The following ZNRF2 variants were observed in gnomAD, a reference collection of about 807,000 sequenced individuals.
ZNRF2 encodes the protein zinc and ring finger 2.
ZNRF2 carries 16 observed loss-of-function variants against 20.4 expected under a neutral mutation model. The ratio of observed to expected loss-of-function variants is 0.79; its 90% CI spans 0.53 to 1.19. ZNRF2 has a LOEUF of 1.19. Among genes scored for constraint, ZNRF2 ranks in the 50% most tolerant of loss-of-function variants. The pLI is 0.00. For missense variants in ZNRF2, 363 were observed against 332.4 expected (o/e 1.09, Z -0.72); for synonymous variants, 178 against 144.9 (o/e 1.23, Z -1.64).
At chr7:30,356,324 A>G (rs1372842998) in intron 3 of ZNRF2, among the ~76,000 whole-genome samples, 8 of 152,146 alleles carry the variant, frequency 5.3e-5, no homozygotes, top group Non-Finnish European at 8.8e-5. Context: ...AAAGAAAACT[A>G]TAACTTTCAA....
intron 2 of ZNRF2, among the ~76,000 whole-genome samples, chr7:30,335,032 G>GAAATT (rs10670058): frequency 0.23 from 34,369 of 151,714 alleles, 8,602 homozygotes; most frequent in African/African-American, 0.63. Flanking sequence ...GCATAGAAGA[G>GAAATT]AAAATAAAAA....
intron 1 of ZNRF2, among the ~76,000 whole-genome samples, chr7:30,311,182 A>G (rs532358118): frequency 6.6e-6 from 1 of 152,074 alleles, no homozygotes; most frequent in Non-Finnish European, 1.5e-5. Flanking sequence ...GGCCTCTTGA[A>G]CTTGGTGCCA....
chr7:30,309,453 C>G (rs921877797), intron 1 of ZNRF2, among the ~76,000 whole-genome samples: 4 of 152,040 alleles, frequency 2.6e-5, no homozygotes, highest in African/African-American at 9.7e-5. Flanking sequence ...TAAAAGACAC[C>G]CTGACTCTTT....
chr7:30,325,390 A>C (rs1003102883), intron 2 of ZNRF2, among the ~76,000 whole-genome samples: 1 of 152,202 alleles, frequency 6.6e-6, no homozygotes. Flanking sequence ...TAGGAATTAG[A>C]GATATAGCAG....
chr7:30,346,792 TTTGA>T (rs1243812046), intron 2 of ZNRF2, among the ~76,000 whole-genome samples: 4 of 152,114 alleles, frequency 2.6e-5, no homozygotes, highest in Non-Finnish European at 4.4e-5. Flanking sequence ...CTAGTATTTC[TTTGA>T]TTGTTTTTTG....
chr7:30,291,715 G>GT (rs1798914103), intron 1 of ZNRF2, among the ~76,000 whole-genome samples: 2 of 152,194 alleles, frequency 1.3e-5, no homozygotes, highest in African/African-American at 4.8e-5. Context: ...TATACTTTAA[G>GT]TGGTTGGAAA....
chr7:30,357,035 C>T (rs1207741305), intron 3 of ZNRF2, among the ~76,000 whole-genome samples: 5 of 152,106 alleles, frequency 3.3e-5, no homozygotes, highest in African/African-American at 1.2e-4. Flanking sequence ...AACCCTCAGA[C>T]GAAACTGACA....
chr7:30,295,871 A>G (rs367687875), intron 1 of ZNRF2, among the ~76,000 whole-genome samples: 1 of 152,230 alleles, frequency 6.6e-6, no homozygotes, highest in Non-Finnish European at 1.5e-5. Flanking sequence ...CTCCTCAGAA[A>G]GACCATGTGC....
chr7:30,341,622 G>A (rs146891465), intron 2 of ZNRF2, among the ~76,000 whole-genome samples: 1,733 of 152,250 alleles, frequency 0.011, 31 homozygotes, highest in African/African-American at 0.039. Context: ...CATTTGCTGA[G>A]GAGTGTTTTA....
intron 2 of ZNRF2, among the ~76,000 whole-genome samples, chr7:30,334,015 A>G (rs1463118838): frequency 1.3e-5 from 2 of 151,834 alleles, no homozygotes; most frequent in African/African-American, 4.8e-5. Flanking sequence ...CCAAATGTCA[A>G]TTTTATTTTT....
intron 3 of ZNRF2, among the ~76,000 whole-genome samples, chr7:30,356,353 CTTAAG>C (rs143287539): frequency 0.014 from 2,104 of 151,538 alleles, 52 homozygotes; most frequent in African/African-American, 0.048. Context: ...AAATACAGTA[CTTAAG>C]TTAAGATGAG....
intron 1 of ZNRF2, among the ~76,000 whole-genome samples, chr7:30,314,962 G>A (rs1361818157): frequency 2.0e-5 from 3 of 151,786 alleles, no homozygotes. Context: ...GACTACAGTC[G>A]CCTGCCACCA....
At chr7:30,314,198 T>A (rs1243023358) in intron 1 of ZNRF2, among the ~76,000 whole-genome samples, 1 of 152,214 alleles carries the variant, frequency 6.6e-6, no homozygotes, top group African/African-American at 2.4e-5. Context: ...TTTATTATAT[T>A]ATTTGGTTGT....
chr7:30,290,479 G>A (rs1440633548), intron 1 of ZNRF2, among the ~76,000 whole-genome samples: 2 of 152,152 alleles, frequency 1.3e-5, no homozygotes, highest in Non-Finnish European at 2.9e-5. Flanking sequence ...GACTTCCTTG[G>A]GTTATTGGCT....
rs983178451 is a variant in ZNRF2 at position 30,284,639 on chromosome 7, G to A, written c.-719G>A. The A allele has an allele frequency of 1.3e-5, 2 of 153,094 alleles. No homozygotes were observed. Among genetic ancestry groups the A allele is most frequent in the Admixed American group, 1.3e-4 (2 of 15,282 alleles). 9.5% of individuals were successfully genotyped at this position (153,094 alleles called of 1,614,324 possible). A position where few individuals can be genotyped will look rare whatever the true frequency, so the allele number is the denominator to read the frequency against. ...GCACCCTGCAGCCGCGCCGCTCCGC[G>A]GCCTTCCGGCGCGGGGCCGGGGAAC... On this transcript the variant is annotated 5_prime_UTR_variant, in exon 1 of 5. Transcript: ENST00000323037.
At chr7:30,353,714 G>A (rs1384195879) in intron 2 of ZNRF2, among the ~76,000 whole-genome samples, 3 of 151,984 alleles carry the variant, frequency 2.0e-5, no homozygotes, top group Non-Finnish European at 4.4e-5. Context: ...GTCTAAAATC[G>A]ATGTTGCATC....
intron 1 of ZNRF2, among the ~76,000 whole-genome samples, chr7:30,319,996 T>C (rs1486608635): frequency 6.6e-6 from 1 of 152,218 alleles, no homozygotes; most frequent in African/African-American, 2.4e-5. Flanking sequence ...CATATTTTTA[T>C]TTTTAAATAG....
chr7:30,337,693 C>T (rs923184918), intron 2 of ZNRF2, among the ~76,000 whole-genome samples: 3 of 151,966 alleles, frequency 2.0e-5, no homozygotes. Context: ...TTGTCTTCCC[C>T]AATTTTTTTA....
intron 3 of ZNRF2, among the ~76,000 whole-genome samples, chr7:30,356,601 T>C (rs1056694373): frequency 6.6e-6 from 1 of 150,620 alleles, no homozygotes; most frequent in East Asian, 1.9e-4. Context: ...TAAAAGAAAC[T>C]ACAAAGCTAA....
Sources: gnomAD v4.1 joint callset for allele counts (sites outside exome capture counted in the v4.1 genomes callset) on GRCh38, gnomAD v4.1.1 for gene constraint, MANE v1.5 for transcripts, NCBI Gene and HGNC (gene_info 2026-07-23, HGNC 2026-07-21) for gene names.